The following AMY2B variants were observed in gnomAD, a reference collection of about 807,000 sequenced individuals.
AMY2B encodes amylase alpha 2B, also known as alpha-amylase 2B.
AMY2B carries 63 observed loss-of-function variants against 59.3 expected under a neutral mutation model. The observed-to-expected ratio is 1.06, with a 90% CI of 0.87 to 1.31. The LOEUF (loss-of-function observed/expected upper bound fraction) is 1.31, where lower values mean the gene tolerates loss of function less well. Among genes scored for constraint, AMY2B ranks in the 50% most tolerant of loss-of-function variants. The pLI is 0.00. For synonymous variants in AMY2B, 180 were observed against 198.1 expected, an observed-to-expected ratio of 0.91 and a Z score of 0.77; for missense variants, 635 against 626.7, an observed-to-expected ratio of 1.01 and a Z score of -0.14.
intron 7 of AMY2B, among the ~76,000 whole-genome samples, chr1:103,576,936 T>C (rs1213108792): frequency 6.6e-6 from 1 of 152,164 alleles, no homozygotes; most frequent in African/African-American, 2.4e-5. Context: ...CTTACAGTGA[T>C]GTTAAGAAGC....
intron 2 of AMY2B, 118 bp downstream of exon 2, chr1:103,572,374 T>C: frequency 6.7e-7 from 1 of 1,489,298 alleles, no homozygotes; most frequent in African/African-American, 1.4e-5. Context: ...TTTTACTTCA[T>C]ACTTTAAAAC....
Position 103,574,127 on chromosome 1 carries a change from GAAAT to G in AMY2B, c.745-130_745-127del, listed in dbSNP as rs1318108320. On this transcript the variant is annotated intron_variant, in intron 4 of 9. Coordinates refer to ENST00000684275, the MANE Select transcript of AMY2B (RefSeq NM_001387437.1). Reference sequence around the variant, plus strand: ...CAAACAAAACAAAACAAGACAAAAAGAAATAATAAATAGCTTAATTTATTAATAA... The same window carrying G: ...CAAACAAAACAAAACAAGACAAAAAGAATAAATAGCTTAATTTATTAATAA... 15 of 1,477,570 alleles carry G rather than the reference GAAAT, an allele frequency of 1.0e-5. No homozygotes were observed. The East Asian group carries it at 1.2e-4, about 12-fold the overall frequency. The allele number at this position is 1,477,570 out of a possible 1,614,324, so 91.5% of individuals were successfully genotyped here.
intron 1 of AMY2B, chr1:103,562,072 G>A (rs1651751068): frequency 6.6e-6 from 1 of 152,196 alleles, no homozygotes; most frequent in African/African-American, 2.4e-5. Flanking sequence ...TTGGGAGATT[G>A]CTGATTGAGA....
intron 1 of AMY2B, among the ~76,000 whole-genome samples, chr1:103,556,512 G>A (rs370586833): frequency 1.3e-5 from 2 of 151,990 alleles, no homozygotes; most frequent in African/African-American, 4.8e-5. Context: ...AAATTTGGGA[G>A]ATTTAAATAA....
upstream of AMY2B, among the ~76,000 whole-genome samples, chr1:103,567,592 C>T (rs1651952172): frequency 6.6e-6 from 1 of 152,196 alleles, no homozygotes. Context: ...TCCTGGACCA[C>T]TGTAAAAGTC....
At chr1:103,573,589 T>C (rs1652223254) in intron 3 of AMY2B, 119 bp from the exon 4 acceptor site, 1 of 1,460,080 alleles carries the variant, frequency 6.8e-7, no homozygotes, top group South Asian at 1.2e-5. Context: ...CAGCGCCCAA[T>C]GCAAGGAAGT....
chr1:103,575,962 TG>T (rs1441734117), intron 7 of AMY2B, among the ~76,000 whole-genome samples: 1 of 152,080 alleles, frequency 6.6e-6, no homozygotes, highest in African/African-American at 2.4e-5. Flanking sequence ...AAAAGTTATA[TG>T]GAATACAAAA....
At chr1:103,567,998 G>A (rs1651967857), upstream of AMY2B, among the ~76,000 whole-genome samples, 3 of 152,046 alleles carry the variant, frequency 2.0e-5, no homozygotes, top group Admixed American at 2.0e-4. Flanking sequence ...TTACCATCCA[G>A]TCTATAATAC....
intron 3 of AMY2B, 37 bp downstream of exon 3, chr1:103,573,297 G>T: frequency 1.9e-6 from 3 of 1,612,348 alleles, no homozygotes; most frequent in Non-Finnish European, 1.7e-6. Flanking sequence ...AATAAGGGGT[G>T]ATATATGCCT....
Position 103,571,692 on chromosome 1 carries a change from T to A in AMY2B, c.90T>A (p.His30Gln), listed in dbSNP as rs763349398. ...NTQQGRTSIV[H>Q]LFEWRWVDIA... ...AACAAGGACGGACATCTATTGTTCATCTGTTTGAATGGCGATGGGTTGATA... is the reference window on the plus strand; with the variant it reads ...AACAAGGACGGACATCTATTGTTCAACTGTTTGAATGGCGATGGGTTGATA... The change falls in exon 1 of 10, where the codon CAT (histidine) becomes CAA (glutamine). Residue 30 changes from histidine (H) to glutamine (Q), a missense_variant. By Grantham distance (24) the His-to-Gln change is conservative (BLOSUM62 0). Coordinates refer to ENST00000684275, the MANE Select transcript of AMY2B (RefSeq NM_001387437.1). 5.6e-6 allele frequency: 9 copies of A among 1,611,962 alleles called. No individual in the cohort carries two copies. The highest frequency in any genetic ancestry group is 7.6e-6 in the Non-Finnish European group (9 of 1,179,826).
intron 1 of AMY2B, among the ~76,000 whole-genome samples, chr1:103,560,898 C>G (rs1334158034): frequency 6.6e-6 from 1 of 152,080 alleles, no homozygotes; most frequent in Non-Finnish European, 1.5e-5. Context: ...GGTAAGAGCT[C>G]ACTGTGGAGT....
chr1:103,570,679 A>G, upstream of AMY2B: 1 of 577,214 alleles, frequency 1.7e-6, no homozygotes, highest in Non-Finnish European at 3.4e-6. Context: ...TTCTAAATGG[A>G]CTGTGAGCAG....
chr1:103,571,406 A>C, upstream of AMY2B: 1 of 1,249,488 alleles, frequency 8.0e-7, no homozygotes. Flanking sequence ...AATTTCTAAA[A>C]GGTCATTTAG....
In AMY2B at chr1:103,573,761, T is replaced by C. The variant is rs147448612; in HGVS notation, c.567T>C (p.Tyr189=). 5.9e-5 allele frequency: 95 copies of C among 1,613,736 alleles called. No individual in the cohort carries two copies. The highest frequency in any genetic ancestry group is 4.9e-4 in the Middle Eastern group (3 of 6,076). ...TTGATCTTGCACTGGAGAAAGATTA[T>C]GTGCGTTCCAAGATTGCCGAATATA... ...GLLDLALEKD[Y]VRSKIAEYMN... Residue 189 remains tyrosine, a synonymous_variant, in exon 4 of 10, where the codon TAT becomes TAC. Transcript: ENST00000684275.
intron 1 of AMY2B, among the ~76,000 whole-genome samples, chr1:103,558,430 G>A (rs997317959): frequency 2.6e-5 from 4 of 152,050 alleles, no homozygotes; most frequent in Non-Finnish European, 5.9e-5. Flanking sequence ...AAAGTCAAGA[G>A]AAGAATAAAT....
At chr1:103,578,222 G>A (rs192563265) in intron 9 of AMY2B, among the ~76,000 whole-genome samples, 1 of 152,110 alleles carries the variant, frequency 6.6e-6, no homozygotes, top group Non-Finnish European at 1.5e-5. Context: ...GAAAAATGCT[G>A]CCTGAGTACT....
intron 1 of AMY2B, among the ~76,000 whole-genome samples, chr1:103,564,594 G>A (rs1470744601): frequency 6.6e-6 from 1 of 151,806 alleles, no homozygotes; most frequent in Non-Finnish European, 1.5e-5. Context: ...TATCTTTTTT[G>A]GTATTTTGTC....
intron 7 of AMY2B, among the ~76,000 whole-genome samples, chr1:103,576,005 A>C (rs1476798233): frequency 6.6e-6 from 1 of 152,178 alleles, no homozygotes; most frequent in Non-Finnish European, 1.5e-5. Context: ...TTAAATAGGG[A>C]AAAGTATCTA....
chr1:103,568,591 A>G (rs1339361244), upstream of AMY2B: 3 of 152,212 alleles, frequency 2.0e-5, no homozygotes, highest in Non-Finnish European at 4.4e-5. Flanking sequence ...GAAATATCAC[A>G]TAATATGTCT....
Sources: gnomAD v4.1 joint callset for allele counts (sites outside exome capture counted in the v4.1 genomes callset) on GRCh38, gnomAD v4.1.1 for gene constraint, MANE v1.5 for transcripts, NCBI Gene and HGNC (gene_info 2026-07-23, HGNC 2026-07-21) for gene names.